Variants in ARHGAP44 observed in about 807,000 individuals in gnomAD.
The protein encoded by ARHGAP44 is Rho GTPase activating protein 44, also known as rho GTPase-activating protein 44.
In ARHGAP44, 43 loss-of-function variants were observed where a neutral mutation model predicts 106.8. The observed-to-expected ratio is 0.40, with a 90% CI of 0.32 to 0.52. ARHGAP44 has a LOEUF of 0.52. Among genes scored for constraint, ARHGAP44 ranks in the 20% least tolerant of loss-of-function variants. The probability of loss-of-function intolerance (pLI) is 0.48; values close to 1 mark genes in which losing one functional copy is unlikely to be tolerated. For missense variants in ARHGAP44, 866 were observed against 1,050.5 expected (o/e 0.82, Z 2.43); for synonymous variants, 439 against 410.3 (o/e 1.07, Z -0.85).
intron 20 of ARHGAP44, among the ~76,000 whole-genome samples, chr17:12,989,140 G>T: frequency 6.8e-6 from 1 of 146,054 alleles, no homozygotes; most frequent in African/African-American, 2.5e-5. Flanking sequence ...GCAGGCGGAG[G>T]AAGGGGACAG....
chr17:12,844,129 G>A (rs142513972), intron 1 of ARHGAP44, among the ~76,000 whole-genome samples: 10 of 152,276 alleles, frequency 6.6e-5, no homozygotes, highest in East Asian at 5.8e-4. Flanking sequence ...GAAAGTTTAC[G>A]TGTAGATTGG....
intron 1 of ARHGAP44, among the ~76,000 whole-genome samples, chr17:12,858,465 A>G (rs1242976536): frequency 6.6e-6 from 1 of 152,206 alleles, no homozygotes; most frequent in African/African-American, 2.4e-5. Context: ...GACTAAATCA[A>G]CCTTCTCAGG....
At chr17:12,801,131 C>T (rs2034080004) in intron 1 of ARHGAP44, among the ~76,000 whole-genome samples, 1 of 152,188 alleles carries the variant, frequency 6.6e-6, no homozygotes, top group Non-Finnish European at 1.5e-5. Flanking sequence ...TCTGCAAAAG[C>T]CTCTACAGAC....
intron 1 of ARHGAP44, chr17:12,790,179 GC>G (rs1332586166): frequency 4.8e-6 from 2 of 418,420 alleles, no homozygotes; most frequent in African/African-American, 4.2e-5. Context: ...CGTCCTCCCT[GC>G]CTTTCCCCGG....
intron 7 of ARHGAP44, among the ~76,000 whole-genome samples, chr17:12,939,879 G>A (rs953037288): frequency 6.6e-6 from 1 of 152,214 alleles, no homozygotes; most frequent in Non-Finnish European, 1.5e-5. Context: ...TTTTCACTCT[G>A]TGAGTCTGTT....
intron 1 of ARHGAP44, among the ~76,000 whole-genome samples, chr17:12,797,367 A>T (rs751004208): frequency 6.6e-6 from 1 of 152,134 alleles, no homozygotes; most frequent in Non-Finnish European, 1.5e-5. Flanking sequence ...CCTGCTATTG[A>T]TTAGTGTAAT....
At chr17:12,927,733 C>T (rs1300125754) in intron 6 of ARHGAP44, among the ~76,000 whole-genome samples, 1 of 152,126 alleles carries the variant, frequency 6.6e-6, no homozygotes, top group Non-Finnish European at 1.5e-5. Context: ...AGGATCCCTC[C>T]TACCAAGTTC....
intron 1 of ARHGAP44, among the ~76,000 whole-genome samples, chr17:12,855,854 A>G (rs1360465124): frequency 5.3e-5 from 8 of 151,892 alleles, no homozygotes; most frequent in Non-Finnish European, 1.0e-4. Context: ...AATAACAGAG[A>G]CAGTGTGGAT....
At chr17:12,886,069 G>A (rs1276162912) in intron 1 of ARHGAP44, among the ~76,000 whole-genome samples, 2 of 151,962 alleles carry the variant, frequency 1.3e-5, no homozygotes, top group East Asian at 1.9e-4. Context: ...GCCTATTTAT[G>A]TATTCTGTAG....
rs1567718381 is a variant in ARHGAP44 at position 12,974,240 on chromosome 17, C to CTGG, written c.1694_1696dup (p.Leu565_Asp566insVal). 5 of 1,536,868 alleles carry CTGG rather than the reference C, an allele frequency of 3.3e-6. No individual in the cohort carries two copies. Among genetic ancestry groups the CTGG allele is most frequent in the Non-Finnish European group, 4.4e-6 (5 of 1,141,860 alleles). ...GCCTTCGCCGCTGCCGGAGCAGCCC[C>CTGG]TGGACAGCCCCGCGGCCCCCGCGCT... On this transcript the variant is annotated inframe_insertion, in exon 18 of 21. Transcript: ENST00000379672.
chr17:12,820,597 T>G (rs1416178244), intron 1 of ARHGAP44, among the ~76,000 whole-genome samples: 1 of 152,146 alleles, frequency 6.6e-6, no homozygotes, highest in Non-Finnish European at 1.5e-5. Context: ...TTGAGGAACA[T>G]GTGGGTGAGT....
At chr17:12,919,949 C>G in intron 6 of ARHGAP44, 118 bp downstream of exon 6, 1 of 762,992 alleles carries the variant, frequency 1.3e-6, no homozygotes, top group South Asian at 1.8e-5. Flanking sequence ...GGACACCTAA[C>G]GTGTACCAGG....
intron 3 of ARHGAP44, among the ~76,000 whole-genome samples, chr17:12,906,951 C>T (rs945811107): frequency 4.7e-5 from 7 of 149,462 alleles, no homozygotes; most frequent in Non-Finnish European, 1.0e-4. Context: ...AAAAACAAAA[C>T]AAAACAAACA....
At chr17:12,900,913 C>CTTT (rs3074723) in intron 3 of ARHGAP44, among the ~76,000 whole-genome samples, 1 of 103,614 alleles carries the variant, frequency 9.7e-6, no homozygotes, top group Non-Finnish European at 1.9e-5. Context: ...GAAAGTTTGG[C>CTTT]TTTTTTTTTT....
At chr17:12,833,893 A>G (rs2035160169) in intron 1 of ARHGAP44, among the ~76,000 whole-genome samples, 1 of 152,106 alleles carries the variant, frequency 6.6e-6, no homozygotes, top group East Asian at 1.9e-4. Context: ...GTGGAGACCA[A>G]GGTTTTATCA....
chr17:12,828,622 AT>A (rs201560442), intron 1 of ARHGAP44, among the ~76,000 whole-genome samples: 2,213 of 115,848 alleles, frequency 0.019, 61 homozygotes, highest in African/African-American at 0.069. Flanking sequence ...TTTCTTTTGG[AT>A]TTTTTTTTCT....
intron 1 of ARHGAP44, among the ~76,000 whole-genome samples, chr17:12,834,235 C>T (rs941525601): frequency 1.3e-5 from 2 of 152,148 alleles, no homozygotes; most frequent in Non-Finnish European, 2.9e-5. Flanking sequence ...TCTTCTTGCT[C>T]CTGGCTCTAA....
At position 12,949,372 on chromosome 17, in the gene ARHGAP44, T is replaced by C; in HGVS notation, c.973+121T>C. ...GTGGCTGCCCAAAGCACTTCAGATG[T>C]GTCCACTCAGTGCCCAGTTTCAGGG... On this transcript the variant is annotated intron_variant, in intron 11 of 20. Coordinates refer to ENST00000379672, the MANE Select transcript of ARHGAP44 (RefSeq NM_014859.6). This position sits in a 1 kb window ranked among gnomAD's most constrained non-coding sequence, Gnocchi z 4.1. 3 of 1,103,318 alleles carry C rather than the reference T, an allele frequency of 2.7e-6. No individual in the cohort carries two copies. The South Asian group carries it at 4.4e-5, about 16-fold the overall frequency. The allele number at this position is 1,103,318 out of a possible 1,614,324, so 68.3% of individuals were successfully genotyped here. A position where few individuals can be genotyped will look rare whatever the true frequency, so the allele number is the denominator to read the frequency against.
intron 3 of ARHGAP44, among the ~76,000 whole-genome samples, chr17:12,903,929 G>C (rs2150932781): frequency 6.6e-6 from 1 of 152,290 alleles, no homozygotes; most frequent in African/African-American, 2.4e-5. Flanking sequence ...CATCTCTTGA[G>C]CAGATAAAGT....
Sources: gnomAD v4.1 joint callset for allele counts (sites outside exome capture counted in the v4.1 genomes callset) on GRCh38, gnomAD v4.1.1 for gene constraint, Gnocchi (gnomAD v3.1) non-coding constraint, MANE v1.5 for transcripts, NCBI Gene and HGNC (gene_info 2026-07-23, HGNC 2026-07-21) for gene names.